Variants in IFT43 observed in about 807,000 individuals in gnomAD.
IFT43 encodes the protein intraflagellar transport 43.
Under a neutral mutation model 32.3 loss-of-function variants are expected in IFT43, and 33 were observed. The ratio of observed to expected loss-of-function variants is 1.02; its 90% CI spans 0.77 to 1.37. The LOEUF is 1.37. Ranked by LOEUF, IFT43 falls within the 40% of genes most tolerant of loss-of-function variation. IFT43 has a pLI of 0.00. For synonymous variants in IFT43, 93 were observed against 98.2 expected, an observed-to-expected ratio of 0.95 and a Z score of 0.31; for missense variants, 274 against 265.9, an observed-to-expected ratio of 1.03 and a Z score of -0.21.
chr14:76,047,393 A>G (rs976060545), intron 3 of IFT43, among the ~76,000 whole-genome samples: 4 of 152,318 alleles, frequency 2.6e-5, no homozygotes, highest in African/African-American at 9.6e-5. Context: ...TAGCAGGTCT[A>G]TGTAGCTATC....
chr14:76,014,975 A>G (rs913798261), intron 2 of IFT43, among the ~76,000 whole-genome samples: 9 of 152,162 alleles, frequency 5.9e-5, no homozygotes, highest in Non-Finnish European at 1.2e-4. Flanking sequence ...TGGATTTCGT[A>G]CAGGCCTGAT....
chr14:76,039,101 C>T (rs2036658159), intron 3 of IFT43, among the ~76,000 whole-genome samples: 1 of 152,010 alleles, frequency 6.6e-6, no homozygotes, highest in African/African-American at 2.4e-5. Context: ...TAATGTTAGA[C>T]ACAACCCCTT....
chr14:76,037,704 T>TA (rs2036627786), intron 3 of IFT43, among the ~76,000 whole-genome samples: 4 of 151,338 alleles, frequency 2.6e-5, no homozygotes, highest in African/African-American at 7.3e-5. Flanking sequence ...TTTTTTTTTT[T>TA]AATTTTATTG....
rs751910763 is a variant in IFT43 at position 76,058,636 on chromosome 14, T to C, written c.216-6T>C. On this transcript the variant is annotated splice_region_variant and splice_polypyrimidine_tract_variant and intron_variant, in intron 3 of 8. Transcript: ENST00000314067. ...AAAAACCTTGTCTTTTCTTTTTTTT[T>C]TTCAGGTTTAGGAGGAAGGCTTCTG... 1.2e-6 allele frequency: 2 copies of C among 1,613,078 alleles called. No homozygotes were observed. Among genetic ancestry groups the C allele is most frequent in the East Asian group, 2.2e-5 (1 of 44,872 alleles).
intron 5 of IFT43, among the ~76,000 whole-genome samples, chr14:76,070,961 G>A (rs1329881821): frequency 1.3e-5 from 2 of 151,990 alleles, no homozygotes; most frequent in African/African-American, 4.8e-5. Context: ...TTTTTTTATA[G>A]CAATGCAAGA....
chr14:76,059,211 C>T lies in IFT43; in HGVS notation c.249-116C>T, dbSNP rs181028040. ...GTTTGACTAAGTTGACAGAGAAAAA[C>T]AGGTTCAGGGACATTTTCATCTAGG... On this transcript the variant is annotated intron_variant, in intron 4 of 8. Transcript: ENST00000314067. 4.9e-3 allele frequency: 7,878 copies of T among 1,603,978 alleles called. 44 individuals are homozygous for T. Among genetic ancestry groups the T allele is most frequent in the Middle Eastern group, 9.0e-3 (54 of 5,988 alleles).
At chr14:76,000,524 G>A (rs776046613) in intron 2 of IFT43, among the ~76,000 whole-genome samples, 25 of 151,642 alleles carry the variant, frequency 1.6e-4, no homozygotes, top group African/African-American at 5.1e-4. Context: ...CTCCCGCCTC[G>A]GCCTCCCAAA....
chr14:76,038,019 C>T (rs575161631), intron 3 of IFT43: 6 of 152,270 alleles, frequency 3.9e-5, no homozygotes, highest in Admixed American at 2.0e-4. Flanking sequence ...ATTTGGTTTT[C>T]AAGAAACACA....
chr14:76,015,901 TTG>T, intron 2 of IFT43, among the ~76,000 whole-genome samples: 1 of 152,352 alleles, frequency 6.6e-6, no homozygotes, highest in East Asian at 1.9e-4. Flanking sequence ...CAGTGTGGTT[TTG>T]GATTTGCATC....
intron 5 of IFT43, chr14:76,076,544 G>T: frequency 6.2e-7 from 1 of 1,610,252 alleles, no homozygotes; most frequent in South Asian, 1.1e-5. Flanking sequence ...GTAGTGCTTG[G>T]GGTATACTCA....
chr14:76,017,991 A>C (rs2036220899), intron 2 of IFT43, among the ~76,000 whole-genome samples: 1 of 151,844 alleles, frequency 6.6e-6, no homozygotes, highest in Non-Finnish European at 1.5e-5. Context: ...TTATCTTTTC[A>C]AAAAACTATC....
At chr14:76,001,220 C>T (rs192157604) in intron 2 of IFT43, among the ~76,000 whole-genome samples, 3 of 152,148 alleles carry the variant, frequency 2.0e-5, no homozygotes, top group South Asian at 2.1e-4. Flanking sequence ...TGCAATTTGG[C>T]GGCCTTCTTT....
At chr14:76,053,634 G>A (rs58741648) in intron 3 of IFT43, among the ~76,000 whole-genome samples, 13 of 152,310 alleles carry the variant, frequency 8.5e-5, no homozygotes, top group South Asian at 2.1e-4. Context: ...CCTGCTCCAC[G>A]AGGCGGAGGT....
chr14:76,079,081 A>G (rs2037461524), intron 5 of IFT43, among the ~76,000 whole-genome samples: 1 of 152,262 alleles, frequency 6.6e-6, no homozygotes, highest in African/African-American at 2.4e-5. Context: ...GACCATGGGC[A>G]GCTGTCTCAC....
At chr14:76,009,881 G>A (rs971208667) in intron 2 of IFT43, among the ~76,000 whole-genome samples, 3 of 151,608 alleles carry the variant, frequency 2.0e-5, no homozygotes, top group Non-Finnish European at 2.9e-5. Context: ...TGCAACCTCC[G>A]CCTCCTGGGT....
intron 2 of IFT43, among the ~76,000 whole-genome samples, chr14:75,993,301 C>G (rs895489920): frequency 1.3e-5 from 2 of 152,140 alleles, no homozygotes; most frequent in African/African-American, 4.8e-5. Flanking sequence ...TATGGAAATT[C>G]AGATTTGGGG....
chr14:76,076,834 C>A, intron 5 of IFT43: 1 of 864,942 alleles, frequency 1.2e-6, no homozygotes. Flanking sequence ...CCCTCACATC[C>A]AACAGCTCAC....
chr14:76,017,348 G>A (rs2036208464), intron 2 of IFT43, among the ~76,000 whole-genome samples: 1 of 152,088 alleles, frequency 6.6e-6, no homozygotes. Flanking sequence ...TTATATATCA[G>A]ATTTATTGAT....
chr14:75,999,355 C>T (rs1339002969), intron 2 of IFT43, among the ~76,000 whole-genome samples: 6 of 143,844 alleles, frequency 4.2e-5, no homozygotes, highest in Admixed American at 2.1e-4. Flanking sequence ...CTCAAACTCC[C>T]GGCCTTAAGT....
Sources: allele counts gnomAD v4.1 joint callset (sites outside exome capture counted in the v4.1 genomes callset), GRCh38; gene constraint gnomAD v4.1.1; transcripts MANE v1.5; gene names NCBI Gene and HGNC (gene_info 2026-07-23, HGNC 2026-07-21).